Variants in DACH2 observed in about 807,000 individuals in gnomAD.
The protein encoded by DACH2 is dachshund homolog 2.
Under a neutral mutation model 35.8 loss-of-function variants are expected in DACH2, and 17 were observed. That is an observed-to-expected ratio of 0.48 (90% CI 0.33 to 0.71). The LOEUF is 0.71. DACH2 is among the 30% of genes least tolerant of loss of function. The pLI, the probability that DACH2 is intolerant of heterozygous loss-of-function variation, is 0.02. For synonymous variants in DACH2, 195 were observed against 177.3 expected (o/e 1.10, Z -0.79); for missense variants, 469 against 472.7 (o/e 0.99, Z 0.07).
intron 1 of DACH2, among the ~76,000 whole-genome samples, chrX:86,282,150 C>T (rs1022119616): frequency 1.4e-5 from 1 of 72,709 alleles, no homozygotes; most frequent in African/African-American, 6.2e-5. Context: ...GAAAAATTTA[C>T]TTTAAATTTC....
At chrX:86,403,309 A>G (rs757085681) in intron 2 of DACH2, among the ~76,000 whole-genome samples, 7 of 112,157 alleles carry the variant, frequency 6.2e-5, no homozygotes, top group African/African-American at 2.3e-4. Flanking sequence ...AATATACAGA[A>G]TCTATCAGGA....
At chrX:86,659,541 C>T (rs1368403379) in intron 4 of DACH2, among the ~76,000 whole-genome samples, 1 of 111,179 alleles carries the variant, frequency 9.0e-6, no homozygotes, top group Non-Finnish European at 1.9e-5. Context: ...CTTCCTAGTC[C>T]TCCACCTTCC....
At chrX:86,742,645 A>G (rs1191430772) in intron 7 of DACH2, 1 of 285,828 alleles carries the variant, frequency 3.5e-6, no homozygotes, top group Non-Finnish European at 6.8e-6. Context: ...ATTTATAGTT[A>G]TGATGCCCAA....
Position 86,651,061 on chromosome X carries a change from G to A in DACH2, c.666G>A (p.Glu222=). The A allele has an allele frequency of 8.3e-7, 1 of 1,207,349 alleles. No homozygotes were observed. The highest frequency in any genetic ancestry group is 1.1e-6 in the Non-Finnish European group (1 of 893,179). The change falls in exon 4 of 12, where the codon GAG becomes GAA. Residue 222 remains glutamate (E), a synonymous_variant. Coordinates refer to ENST00000373125, the MANE Select transcript of DACH2 (RefSeq NM_053281.3). ...GTATAACAGCTGCAGCGATGGCTGA[G>A]GCGATGAAACTTCAGAAGATGAAGC... The part of the protein sequence containing the change: ...PTGITAAAMA[E]AMKLQKMKLM...
chrX:86,547,395 G>A (rs1228346388), intron 3 of DACH2, among the ~76,000 whole-genome samples: 6 of 111,179 alleles, frequency 5.4e-5, no homozygotes, highest in African/African-American at 9.8e-5. Context: ...GTAAAGGTTT[G>A]GATTTATAAT....
intron 3 of DACH2, among the ~76,000 whole-genome samples, chrX:86,607,243 G>T (rs775460708): frequency 2.0e-4 from 22 of 111,290 alleles, no homozygotes; most frequent in Non-Finnish European, 3.8e-4. Flanking sequence ...TTTTCTGAGC[G>T]TTTTGATGTC....
chrX:86,316,953 A>T (rs1248689575), intron 1 of DACH2, among the ~76,000 whole-genome samples: 1 of 109,535 alleles, frequency 9.1e-6, no homozygotes, highest in Non-Finnish European at 1.9e-5. Flanking sequence ...CCCCATCTCT[A>T]CTAAAAATAC....
intron 3 of DACH2, among the ~76,000 whole-genome samples, chrX:86,525,338 G>T (rs1025207532): frequency 8.9e-6 from 1 of 111,770 alleles, no homozygotes; most frequent in African/African-American, 3.2e-5. Flanking sequence ...TTTATCTGTC[G>T]TTGATCATAT....
intron 7 of DACH2, among the ~76,000 whole-genome samples, chrX:86,762,816 AC>A (rs2041896313): frequency 8.9e-6 from 1 of 112,024 alleles, no homozygotes; most frequent in South Asian, 3.7e-4. Context: ...TGCATTAAAA[AC>A]AATCCAATTA....
chrX:86,250,641 A>G (rs927350805), intron 1 of DACH2, among the ~76,000 whole-genome samples: 1 of 111,611 alleles, frequency 9.0e-6, no homozygotes, highest in African/African-American at 3.2e-5. Flanking sequence ...AGTGCTATAC[A>G]TTCTTATTAT....
At chrX:86,275,062 T>C (rs2033893416) in intron 1 of DACH2, among the ~76,000 whole-genome samples, 1 of 111,735 alleles carries the variant, frequency 8.9e-6, no homozygotes, top group Non-Finnish European at 1.9e-5. Flanking sequence ...TGGCATATTT[T>C]AGAGAATATG....
chrX:86,234,052 C>T (rs1181048461), intron 1 of DACH2, among the ~76,000 whole-genome samples: 1 of 112,214 alleles, frequency 8.9e-6, no homozygotes, highest in Admixed American at 9.4e-5. Flanking sequence ...AGCAGTTCCT[C>T]ATTGTAGGTG....
At chrX:86,390,841 C>T (rs1436888618) in intron 2 of DACH2, among the ~76,000 whole-genome samples, 2 of 110,508 alleles carry the variant, frequency 1.8e-5, no homozygotes, top group Non-Finnish European at 3.8e-5. Flanking sequence ...CTGCCCACCT[C>T]GGCTTCCCAA....
intron 2 of DACH2, among the ~76,000 whole-genome samples, chrX:86,480,602 A>T (rs756720092): frequency 1.8e-5 from 2 of 111,902 alleles, no homozygotes; most frequent in East Asian, 5.6e-4. Flanking sequence ...AAGTACATAA[A>T]CCCCATTCCA....
intron 7 of DACH2, among the ~76,000 whole-genome samples, chrX:86,811,130 CAG>C (rs2042391013): frequency 2.7e-5 from 3 of 111,956 alleles, no homozygotes; most frequent in Admixed American, 9.5e-5. Context: ...TGGATTCAAA[CAG>C]TGTGAAACTG....
intron 1 of DACH2, among the ~76,000 whole-genome samples, chrX:86,188,137 G>A (rs2031734389): frequency 8.9e-6 from 1 of 112,022 alleles, no homozygotes; most frequent in African/African-American, 3.2e-5. Context: ...GGAACGCCAA[G>A]TAGCAATTGC....
At chrX:86,552,449 A>G (rs759800277) in intron 3 of DACH2, among the ~76,000 whole-genome samples, 1 of 112,225 alleles carries the variant, frequency 8.9e-6, no homozygotes, top group South Asian at 3.7e-4. Flanking sequence ...TGCATTAGGC[A>G]TGGGCATTAT....
chrX:86,479,766 G>A (rs2037909074), intron 2 of DACH2, among the ~76,000 whole-genome samples: 1 of 111,788 alleles, frequency 8.9e-6, no homozygotes, highest in Non-Finnish European at 1.9e-5. Context: ...TAAAGATTCT[G>A]ATGCATTCCT....
chrX:86,661,976 A>G (rs992881164), intron 4 of DACH2, among the ~76,000 whole-genome samples: 1 of 112,276 alleles, frequency 8.9e-6, no homozygotes, highest in African/African-American at 3.2e-5. Context: ...TAATAAAAAC[A>G]AAGATTGTGA....
Sources: allele counts gnomAD v4.1 joint callset (sites outside exome capture counted in the v4.1 genomes callset), GRCh38; gene constraint gnomAD v4.1.1; transcripts MANE v1.5; gene names NCBI Gene and HGNC (gene_info 2026-07-23, HGNC 2026-07-21).